The following ZNF804B variants were observed in gnomAD, a reference collection of about 807,000 sequenced individuals.
The protein encoded by ZNF804B is zinc finger 804B.
In ZNF804B, 80 loss-of-function variants were observed where a neutral mutation model predicts 101.4. That is an observed-to-expected ratio of 0.79 (90% CI 0.66 to 0.95). The LOEUF is 0.95. Ranked by LOEUF, ZNF804B falls within the 40% of genes least tolerant of loss-of-function variation. The pLI is 0.00. For synonymous variants in ZNF804B, 622 were observed against 558.8 expected (o/e 1.11, Z -1.59); for missense variants, 1,673 against 1,561.9 (o/e 1.07, Z -1.20).
chr7:89,041,346 G>T (rs555778191), intron 1 of ZNF804B, among the ~76,000 whole-genome samples: 1 of 152,160 alleles, frequency 6.6e-6, no homozygotes, highest in Non-Finnish European at 1.5e-5. Flanking sequence ...CAGGCCTGGT[G>T]CCAGGGAACC....
chr7:88,974,523 T>A (rs1007234489), intron 1 of ZNF804B, among the ~76,000 whole-genome samples: 7 of 151,262 alleles, frequency 4.6e-5, no homozygotes, highest in Non-Finnish European at 1.0e-4. Context: ...AAAATAATTT[T>A]AAAAAATCAA....
At chr7:88,954,555 G>GCCCC (rs10646255) in intron 1 of ZNF804B, among the ~76,000 whole-genome samples, 122 of 148,650 alleles carry the variant, frequency 8.2e-4, no homozygotes, top group East Asian at 3.2e-3. Flanking sequence ...TCTAAAACAT[G>GCCCC]CCCCCCCCCC....
chr7:88,890,203 A>G (rs1189936461), intron 1 of ZNF804B, among the ~76,000 whole-genome samples: 1 of 152,202 alleles, frequency 6.6e-6, no homozygotes, highest in Non-Finnish European at 1.5e-5. Flanking sequence ...CTCTTCAGAA[A>G]TAATGACTAT....
chr7:88,767,847 G>T (rs534002428), intron 1 of ZNF804B, among the ~76,000 whole-genome samples: 3 of 152,300 alleles, frequency 2.0e-5, no homozygotes, highest in African/African-American at 4.8e-5. Flanking sequence ...CATTGCAGAC[G>T]CTGTTCCCTC....
intron 1 of ZNF804B, among the ~76,000 whole-genome samples, chr7:89,162,315 T>C (rs1188023083): frequency 6.6e-6 from 1 of 152,168 alleles, no homozygotes; most frequent in Non-Finnish European, 1.5e-5. Flanking sequence ...CTTTAAATAT[T>C]GGGATTGAAA....
intron 1 of ZNF804B, among the ~76,000 whole-genome samples, chr7:89,143,425 AC>A (rs1053326981): frequency 6.6e-6 from 1 of 151,782 alleles, no homozygotes; most frequent in Non-Finnish European, 1.5e-5. Context: ...CTCTTTTCTT[AC>A]CCGCTCCCAG....
intron 1 of ZNF804B, among the ~76,000 whole-genome samples, chr7:88,922,762 AAATT>A (rs1315643580): frequency 3.9e-5 from 6 of 152,066 alleles, no homozygotes; most frequent in Admixed American, 3.3e-4. Context: ...GTAATTTATG[AAATT>A]AATTAAAAAG....
intron 1 of ZNF804B, among the ~76,000 whole-genome samples, chr7:89,003,558 T>G (rs1012612087): frequency 3.3e-5 from 5 of 151,938 alleles, no homozygotes; most frequent in African/African-American, 2.4e-5. Context: ...AATCATAATA[T>G]TTTAGTATGA....
At position 89,233,930 on chromosome 7, in the gene ZNF804B, T is replaced by C. The variant is rs115287794; in HGVS notation, c.249+15635T>C. Among the ~76,000 whole-genome samples the C allele has an allele frequency of 5.2e-3, 795 of 152,334 alleles. 7 individuals are homozygous for C. The highest frequency in any genetic ancestry group is 0.019 in the African/African-American group (770 of 41,580). ...TGGCCATTGCTCCCTGCCAGTTTTT[T>C]CTTAAGAAGTAGTTTTGTGTCTACT... On this transcript the variant is annotated intron_variant, in intron 2 of 3. Transcript: ENST00000333190.
intron 2 of ZNF804B, among the ~76,000 whole-genome samples, chr7:89,241,652 A>G (rs1203347220): frequency 6.6e-6 from 1 of 152,128 alleles, no homozygotes; most frequent in Non-Finnish European, 1.5e-5. Context: ...ATATCTCAAT[A>G]GAATGAGCTA....
At chr7:88,795,020 A>T in intron 1 of ZNF804B, 2 of 1,212,080 alleles carry the variant, frequency 1.7e-6, no homozygotes, top group South Asian at 2.0e-5. Context: ...GTACCTCTTT[A>T]CTGATGAACT....
Position 88,923,374 on chromosome 7 carries a change from G to T in ZNF804B, c.108+163290G>T, listed in dbSNP as rs188233598. On this transcript the variant is annotated intron_variant, in intron 1 of 3. Coordinates refer to ENST00000333190, the MANE Select transcript of ZNF804B (RefSeq NM_181646.5). The stretch of plus-strand genomic sequence containing the variant: ...AGTTTCACTTAAAAATTAAATTCAG[G>T]TCACTTCTGGACAATTGTCTTCTAA... 4.6e-3 allele frequency among the ~76,000 whole-genome samples: 701 copies of T among 152,128 alleles called. 7 individuals carry two copies. The highest frequency in any genetic ancestry group is 0.016 in the African/African-American group (664 of 41,512).
chr7:89,210,337 AT>A (rs1788783277), intron 1 of ZNF804B, among the ~76,000 whole-genome samples: 1 of 152,024 alleles, frequency 6.6e-6, no homozygotes, highest in Admixed American at 6.6e-5. Flanking sequence ...TGCTAGCTTT[AT>A]TTTTATTTTT....
At chr7:89,190,785 T>C (rs771653769) in intron 1 of ZNF804B, among the ~76,000 whole-genome samples, 12 of 152,114 alleles carry the variant, frequency 7.9e-5, no homozygotes, top group Admixed American at 3.9e-4. Flanking sequence ...GAAATCAACA[T>C]CAAGGCAAGA....
chr7:89,267,199 T>A (rs1789810309), intron 2 of ZNF804B, among the ~76,000 whole-genome samples: 1 of 152,156 alleles, frequency 6.6e-6, no homozygotes, highest in Non-Finnish European at 1.5e-5. Context: ...ATGAAATGCT[T>A]CTTTCTTCTT....
intron 1 of ZNF804B, among the ~76,000 whole-genome samples, chr7:89,173,619 G>T (rs977031718): frequency 2.0e-5 from 3 of 151,978 alleles, no homozygotes; most frequent in African/African-American, 7.2e-5. Context: ...ATAAAATATT[G>T]TCACAGGCGG....
chr7:89,212,282 C>G (rs1478043356), intron 1 of ZNF804B, among the ~76,000 whole-genome samples: 1 of 132,284 alleles, frequency 7.6e-6, no homozygotes, highest in Non-Finnish European at 1.6e-5. Flanking sequence ...CACACACACA[C>G]ACACACAAAC....
At position 89,159,112 on chromosome 7, in the gene ZNF804B, ATCTC is replaced by A. The variant is rs537556442; in HGVS notation, c.109-59039_109-59036del. ...TTGAGAGGAGTGAATTTACTAAGTC[ATCTC>A]TCTATTCTCAATCTCCTGGATGATT... On this transcript the variant is annotated intron_variant, in intron 1 of 3. Transcript: ENST00000333190. 4.6e-5 allele frequency among the ~76,000 whole-genome samples: 7 copies of A among 152,168 alleles called. No homozygotes were observed. In the South Asian group the frequency reaches 6.2e-4, roughly 14 times the overall value.
chr7:89,121,590 G>A (rs987436401), intron 1 of ZNF804B, among the ~76,000 whole-genome samples: 3 of 151,940 alleles, frequency 2.0e-5, no homozygotes, highest in Non-Finnish European at 1.5e-5. Flanking sequence ...TTAATGTATT[G>A]GACTAAACTA....
Sources: allele counts gnomAD v4.1 joint callset (sites outside exome capture counted in the v4.1 genomes callset), GRCh38; gene constraint gnomAD v4.1.1; transcripts MANE v1.5; gene names NCBI Gene and HGNC (gene_info 2026-07-23, HGNC 2026-07-21).